Variants in NBPF9 observed in about 807,000 individuals in gnomAD.
NBPF9 encodes NBPF family member NBPF9.
NBPF9 carries 91 observed loss-of-function variants against 97.8 expected under a neutral mutation model. The observed-to-expected ratio is 0.93, with a 90% CI of 0.79 to 1.11. NBPF9 has a LOEUF of 1.11. Ranked by LOEUF, NBPF9 falls within the 50% of genes least tolerant of loss-of-function variation. The pLI, the probability that NBPF9 is intolerant of heterozygous loss-of-function variation, is 0.00. For missense variants in NBPF9, 992 were observed against 939.5 expected, an observed-to-expected ratio of 1.06 and a Z score of -0.73; for synonymous variants, 334 against 359.5, an observed-to-expected ratio of 0.93 and a Z score of 0.80.
intron 4 of NBPF9, among the ~76,000 whole-genome samples, chr1:149,097,484 T>A (rs2081859898): frequency 6.6e-6 from 1 of 152,154 alleles, no homozygotes; most frequent in Admixed American, 6.5e-5. Context: ...GCCGCAACCT[T>A]CCCTGCTGCT....
chr1:149,064,023 C>CACACAA (rs2078845180), intron 19 of NBPF9, among the ~76,000 whole-genome samples: 1 of 110,624 alleles, frequency 9.0e-6, no homozygotes, highest in African/African-American at 3.5e-5. Flanking sequence ...CACAGACACA[C>CACACAA]ACACACACAC....
intron 10 of NBPF9, 32 bp downstream of exon 10, chr1:149,077,851 C>A: frequency 1.9e-6 from 3 of 1,592,610 alleles, no homozygotes; most frequent in Non-Finnish European, 1.7e-6. Flanking sequence ...TATGTTACCA[C>A]CCATTACTTG....
chr1:149,073,626 A>T, intron 13 of NBPF9, 142 bp downstream of exon 13: 1 of 704,772 alleles, frequency 1.4e-6, no homozygotes, highest in Non-Finnish European at 2.5e-6. Flanking sequence ...CTGTTTGATA[A>T]ATATTTGTGT....
intron 22 of NBPF9, 89 bp downstream of exon 22, chr1:149,062,004 C>G (rs1553650066): frequency 2.9e-6 from 2 of 683,870 alleles, no homozygotes; most frequent in Non-Finnish European, 5.2e-6. Context: ...TGACATCTCT[C>G]AGGTCAGTAA....
At chr1:149,087,380 T>C (rs1553658907) in intron 5 of NBPF9, among the ~76,000 whole-genome samples, 1 of 150,874 alleles carries the variant, frequency 6.6e-6, no homozygotes, top group Non-Finnish European at 1.5e-5. Flanking sequence ...TATACATATA[T>C]ATATGTCCTA....
intron 20 of NBPF9, among the ~76,000 whole-genome samples, 181 bp downstream of exon 20, chr1:149,063,452 C>A (rs2078774957): frequency 6.9e-6 from 1 of 143,932 alleles, no homozygotes; most frequent in South Asian, 2.3e-4. Flanking sequence ...GCCTTGCTCA[C>A]TGACCCATCC....
At chr1:149,094,962 G>A (rs1269150941) in intron 4 of NBPF9, among the ~76,000 whole-genome samples, 1 of 147,292 alleles carries the variant, frequency 6.8e-6, no homozygotes, top group East Asian at 2.0e-4. Flanking sequence ...CAGACTAAGG[G>A]GGAATCTCAC....
rs373341524 is a variant in NBPF9, at chr1:149,095,623, C to CA, written c.-337+2814dup. Among the ~76,000 whole-genome samples, 894 of 101,198 alleles carry CA rather than the reference C, an allele frequency of 8.8e-3. 4 individuals carry two copies. Among genetic ancestry groups the CA allele is most frequent in the African/African-American group, 0.025 (666 of 26,162 alleles). 66.4% of individuals were successfully genotyped at this position (101,198 alleles called of 152,430 possible). A position where few individuals can be genotyped will look rare whatever the true frequency, so the allele number is the denominator to read the frequency against. The stretch of plus-strand genomic sequence containing the variant: ...ATTCTGAGAACTAAACAACACAAAG[C>CA]AAAAAAAAAAAAAAAAAAGGTGAAA... On this transcript the variant is annotated intron_variant, in intron 4 of 29. Transcript: ENST00000584027.
exon 30 of NBPF9, chr1:149,055,430 G>A (rs879994437): frequency 1.1e-4 from 82 of 722,904 alleles, no homozygotes; most frequent in South Asian, 7.7e-4. Context: ...GATCACTCCC[G>A]GCATGTGCTG....
chr1:149,054,695 CA>C (rs1269305341), exon 30 of NBPF9: 1 of 146,216 alleles, frequency 6.8e-6, no homozygotes, highest in African/African-American at 2.6e-5. Context: ...ATGACAACAA[CA>C]AAAAGATGAG....
intron 12 of NBPF9, among the ~76,000 whole-genome samples, chr1:149,074,613 C>T (rs782684653): frequency 1.3e-5 from 2 of 151,116 alleles, no homozygotes; most frequent in Non-Finnish European, 3.0e-5. Context: ...AACTGAGGGA[C>T]AGACAAGACA....
chr1:149,078,650 A>G (rs1325530812), intron 9 of NBPF9, among the ~76,000 whole-genome samples: 6 of 139,786 alleles, frequency 4.3e-5, no homozygotes, highest in South Asian at 5.1e-4. Flanking sequence ...GACACTTACT[A>G]AGAACATTGC....
At chr1:149,086,696 G>A (rs2081029819) in intron 5 of NBPF9, among the ~76,000 whole-genome samples, 1 of 151,982 alleles carries the variant, frequency 6.6e-6, no homozygotes, top group Admixed American at 6.5e-5. Context: ...AGGTACATTA[G>A]CTCAGGAAAA....
At chr1:149,082,093 T>C in exon 7 of NBPF9, 18 of 1,610,564 alleles carry the variant, frequency 1.1e-5, no homozygotes, top group Non-Finnish European at 1.4e-5. Context: ...TTCTAGAATG[T>C]TCATCTCTGC....
chr1:149,095,623 C>CAAAAAAAAAAAAAAAAAAAAA (rs373341524), intron 4 of NBPF9, among the ~76,000 whole-genome samples: 1 of 101,236 alleles, frequency 9.9e-6, no homozygotes. Flanking sequence ...CAACACAAAG[C>CAAAAAAAAAAAAAAAAAAAAA]AAAAAAAAAA....
chr1:149,093,077 T>C (rs1223188118), intron 4 of NBPF9, among the ~76,000 whole-genome samples: 11 of 151,988 alleles, frequency 7.2e-5, no homozygotes, highest in South Asian at 2.1e-4. Context: ...CGGGCATTTC[T>C]GGAGAGGGGG....
chr1:149,053,511 TTAAGGA>T (rs2078025165), downstream of NBPF9, among the ~76,000 whole-genome samples: 1 of 130,024 alleles, frequency 7.7e-6, no homozygotes, highest in African/African-American at 2.9e-5. Flanking sequence ...GAGGACTCTG[TTAAGGA>T]TGAGTACCAC....
chr1:149,061,392 C>T lies in NBPF9; in HGVS notation c.2252-9G>A, dbSNP rs1284087329. The T allele has an allele frequency of 5.2e-6, 2 of 386,522 alleles. No homozygotes were observed. The highest frequency in any genetic ancestry group is 4.1e-5 in the East Asian group (1 of 24,172). The allele number at this position is 386,522 out of a possible 1,614,324, so 23.9% of individuals were successfully genotyped here. On this transcript the variant is annotated splice_polypyrimidine_tract_variant and intron_variant, in intron 22 of 29. Transcript: ENST00000584027. ...TTGGTCCTTTTTAATTCCTGCAATA[C>T]ATTCAGACAGGGACAGACAAAATAA...
intron 4 of NBPF9, among the ~76,000 whole-genome samples, chr1:149,092,982 T>C (rs2081502774): frequency 6.6e-6 from 1 of 151,420 alleles, no homozygotes; most frequent in African/African-American, 2.4e-5. Context: ...GAAAGAAAAA[T>C]GGGCCCAGGG....
Sources: allele counts gnomAD v4.1 joint callset (sites outside exome capture counted in the v4.1 genomes callset), GRCh38; gene constraint gnomAD v4.1.1; transcripts MANE v1.5; gene names NCBI Gene and HGNC (gene_info 2026-07-23, HGNC 2026-07-21).